NDUFAF2: variants seen among roughly 807,000 people sequenced by gnomAD.
The protein encoded by NDUFAF2 is NADH:ubiquinone oxidoreductase complex assembly factor 2.
NDUFAF2 carries 13 observed loss-of-function variants against 22.8 expected under a neutral mutation model. The ratio of observed to expected loss-of-function variants is 0.57; its 90% CI spans 0.37 to 0.91. The LOEUF is 0.91. Among genes scored for constraint, NDUFAF2 ranks in the 40% least tolerant of loss-of-function variants. The probability of loss-of-function intolerance (pLI) is 0.01; values close to 1 mark genes in which losing one functional copy is unlikely to be tolerated. For missense variants in NDUFAF2, 162 were observed against 195.2 expected (o/e 0.83, Z 1.01); for synonymous variants, 53 against 64.2 (o/e 0.83, Z 0.84).
intron 1 of NDUFAF2, among the ~76,000 whole-genome samples, chr5:61,039,869 G>A (rs1402212489): frequency 1.3e-5 from 2 of 152,088 alleles, no homozygotes; most frequent in Non-Finnish European, 2.9e-5. Flanking sequence ...ATTTTTAATA[G>A]TTTATGAACT....
intron 1 of NDUFAF2, among the ~76,000 whole-genome samples, chr5:61,008,553 C>T (rs935101884): frequency 3.3e-5 from 5 of 152,110 alleles, no homozygotes; most frequent in Non-Finnish European, 5.9e-5. Flanking sequence ...ATGCACTGAG[C>T]TTCAATTTCA....
chr5:60,959,266 T>C (rs1344298316), intron 1 of NDUFAF2, among the ~76,000 whole-genome samples: 2 of 152,088 alleles, frequency 1.3e-5, no homozygotes, highest in African/African-American at 4.8e-5. Flanking sequence ...ATTTTTCCAG[T>C]AGATGGCAGA....
At chr5:60,950,756 T>G (rs1311061641) in intron 1 of NDUFAF2, among the ~76,000 whole-genome samples, 1 of 151,986 alleles carries the variant, frequency 6.6e-6, no homozygotes, top group Admixed American at 6.5e-5. Flanking sequence ...ACAGAAAAAT[T>G]GAATGGAAAC....
intron 3 of NDUFAF2, among the ~76,000 whole-genome samples, chr5:61,117,068 G>A (rs1467948901): frequency 1.3e-5 from 2 of 152,106 alleles, no homozygotes; most frequent in African/African-American, 2.4e-5. Context: ...TAGGGTATTA[G>A]GGAACACAAA....
intron 1 of NDUFAF2, among the ~76,000 whole-genome samples, chr5:61,043,445 C>G (rs1343946248): frequency 6.6e-6 from 1 of 152,020 alleles, no homozygotes; most frequent in Non-Finnish European, 1.5e-5. Flanking sequence ...GAACTTTTTC[C>G]TCCTAACTGG....
chr5:61,126,038 A>G (rs897733996), intron 3 of NDUFAF2, among the ~76,000 whole-genome samples: 16 of 152,026 alleles, frequency 1.1e-4, no homozygotes, highest in Non-Finnish European at 2.1e-4. Context: ...GAAGGTGTGG[A>G]AAGATCTTCT....
At chr5:61,023,547 G>C (rs1020949764) in intron 1 of NDUFAF2, among the ~76,000 whole-genome samples, 1 of 151,978 alleles carries the variant, frequency 6.6e-6, no homozygotes, top group African/African-American at 2.4e-5. Flanking sequence ...ATCTTTGTGG[G>C]ACTATTTACA....
chr5:61,078,433 A>G lies in NDUFAF2; in HGVS notation c.217+5219A>G, dbSNP rs145404678. On this transcript the variant is annotated intron_variant, in intron 2 of 3. Coordinates refer to ENST00000296597, the MANE Select transcript of NDUFAF2 (RefSeq NM_174889.5). ...AGACATGGAACAGTAGACCAGACCA[A>G]TTTTTTTCAAACATATAGAAGATTT... Among the ~76,000 whole-genome samples, 348 of 152,212 alleles carry G rather than the reference A, an allele frequency of 2.3e-3. 1 individual carries two copies. The highest frequency in any genetic ancestry group is 6.8e-3 in the African/African-American group (281 of 41,536).
At chr5:61,124,143 T>C (rs934072533) in intron 3 of NDUFAF2, among the ~76,000 whole-genome samples, 3 of 152,086 alleles carry the variant, frequency 2.0e-5, no homozygotes, top group African/African-American at 7.2e-5. Context: ...TTTCTTTTTC[T>C]CAGTAACTGA....
rs569959675 is a variant in NDUFAF2, at chr5:60,954,713, A to G, written c.127+9331A>G. Among the ~76,000 whole-genome samples the G allele has an allele frequency of 8.6e-5, 13 of 150,530 alleles. No homozygotes were observed. In the South Asian group the frequency reaches 2.7e-3, roughly 31 times the overall value. On this transcript the variant is annotated intron_variant, in intron 1 of 3. Coordinates refer to ENST00000296597, the MANE Select transcript of NDUFAF2 (RefSeq NM_174889.5). ...GCCCGCCTCAGCCTCCCAAAGTGCT[A>G]GGATTACAGGCATGAGCCACCGTGC...
intron 1 of NDUFAF2, among the ~76,000 whole-genome samples, chr5:61,038,134 G>A (rs977443689): frequency 4.6e-5 from 7 of 151,018 alleles, no homozygotes; most frequent in African/African-American, 1.7e-4. Context: ...GAGAAAGTCA[G>A]CAATGTTACA....
intron 1 of NDUFAF2, among the ~76,000 whole-genome samples, chr5:60,991,056 C>G (rs1194552365): frequency 6.6e-6 from 1 of 152,020 alleles, no homozygotes; most frequent in Non-Finnish European, 1.5e-5. Flanking sequence ...ACAAAATAGA[C>G]CAATTAACAC....
chr5:60,971,487 C>T (rs1368066162), intron 1 of NDUFAF2, among the ~76,000 whole-genome samples: 1 of 151,902 alleles, frequency 6.6e-6, no homozygotes, highest in African/African-American at 2.4e-5. Context: ...CAGGGTTTCA[C>T]CGTGTTAGCC....
chr5:61,101,798 C>T (rs1371326469), intron 3 of NDUFAF2, among the ~76,000 whole-genome samples: 2 of 152,104 alleles, frequency 1.3e-5, no homozygotes, highest in Non-Finnish European at 2.9e-5. Flanking sequence ...GTACTCAAAA[C>T]TACAAAATGT....
intron 2 of NDUFAF2, among the ~76,000 whole-genome samples, chr5:61,079,934 G>C (rs1752421361): frequency 6.6e-6 from 1 of 152,172 alleles, no homozygotes; most frequent in African/African-American, 2.4e-5. Context: ...CGTGAGGTCA[G>C]CCTTCGTTTA....
At chr5:61,052,647 G>C (rs1390645302) in intron 1 of NDUFAF2, among the ~76,000 whole-genome samples, 2 of 152,142 alleles carry the variant, frequency 1.3e-5, no homozygotes, top group African/African-American at 4.8e-5. Flanking sequence ...ACTAATGTCT[G>C]ATGTGACTTT....
intron 3 of NDUFAF2, among the ~76,000 whole-genome samples, chr5:61,151,718 C>T (rs564782856): frequency 5.3e-5 from 8 of 151,512 alleles, no homozygotes; most frequent in East Asian, 3.9e-4. Flanking sequence ...GTGGAGATTG[C>T]GGTGAGCCGA....
chr5:60,945,992 C>G (rs533483601), intron 1 of NDUFAF2, among the ~76,000 whole-genome samples: 2 of 152,274 alleles, frequency 1.3e-5, no homozygotes, highest in Admixed American at 1.3e-4. Context: ...TCGCTGATTC[C>G]TTTCTCGGGA....
chr5:61,134,556 C>G (rs1007334849), intron 3 of NDUFAF2, among the ~76,000 whole-genome samples: 1 of 152,008 alleles, frequency 6.6e-6, no homozygotes, highest in African/African-American at 2.4e-5. Context: ...CGTGGTGGCA[C>G]GTGCCTGTAG....
Sources: gnomAD v4.1 joint callset for allele counts (sites outside exome capture counted in the v4.1 genomes callset) on GRCh38, gnomAD v4.1.1 for gene constraint, MANE v1.5 for transcripts, NCBI Gene and HGNC (gene_info 2026-07-23, HGNC 2026-07-21) for gene names.